The following SGCZ variants were observed in gnomAD, a reference collection of about 807,000 sequenced individuals.
SGCZ encodes the protein zeta-sarcoglycan.
A neutral mutation model predicts 41.3 loss-of-function variants in SGCZ; 40 were observed. The ratio of observed to expected loss-of-function variants is 0.97; its 90% CI spans 0.75 to 1.26. The LOEUF is 1.26. SGCZ is among the 50% of genes most tolerant of loss of function. The pLI is 0.00. For missense variants in SGCZ, 552 were observed against 369.8 expected, an observed-to-expected ratio of 1.49 and a Z score of -4.04; for synonymous variants, 206 against 137.5, an observed-to-expected ratio of 1.50 and a Z score of -3.49.
chr8:15,097,926 A>C (rs1483050727), intron 1 of SGCZ, among the ~76,000 whole-genome samples: 1 of 143,234 alleles, frequency 7.0e-6, no homozygotes, highest in South Asian at 2.2e-4. Context: ...GTATATATAT[A>C]TATATACATA....
chr8:14,946,162 G>A (rs1181232887), intron 1 of SGCZ, among the ~76,000 whole-genome samples: 1 of 149,130 alleles, frequency 6.7e-6, no homozygotes, highest in Admixed American at 6.7e-5. Flanking sequence ...TCAAGAGCAA[G>A]CAGAGGAAAG....
chr8:14,946,721 G>T (rs1311432152), intron 1 of SGCZ, among the ~76,000 whole-genome samples: 13 of 148,938 alleles, frequency 8.7e-5, no homozygotes, highest in Non-Finnish European at 1.6e-4. Flanking sequence ...TGTTGCCCAG[G>T]CTGGAGTGCA....
intron 1 of SGCZ, among the ~76,000 whole-genome samples, chr8:15,204,860 G>A (rs963895938): frequency 6.6e-6 from 1 of 152,136 alleles, no homozygotes; most frequent in Non-Finnish European, 1.5e-5. Flanking sequence ...TCTGTAGACA[G>A]GATTATATAC....
chr8:14,617,745 G>T (rs952388442), intron 1 of SGCZ, among the ~76,000 whole-genome samples: 4 of 152,046 alleles, frequency 2.6e-5, no homozygotes, highest in African/African-American at 9.7e-5. Context: ...CAATAGACAT[G>T]GAAATAAAGT....
At chr8:14,890,389 G>T (rs1219191824) in intron 1 of SGCZ, among the ~76,000 whole-genome samples, 3 of 152,198 alleles carry the variant, frequency 2.0e-5, no homozygotes, top group Non-Finnish European at 4.4e-5. Context: ...CCTTATTTTT[G>T]ATATAGAGAC....
Position 14,245,528 on chromosome 8 carries a change from G to C in SGCZ, c.337-7849C>G, listed in dbSNP as rs368750624. ...CCTAGGCATTACCATTCAGGACATA[G>C]ACATTGGCAAGGACTTCATGTCTAA... is the stretch of plus-strand genomic sequence containing the variant. On this transcript the variant is annotated intron_variant, in intron 3 of 7. Transcript: ENST00000382080. Among the ~76,000 whole-genome samples, 13 of 152,274 alleles carry C rather than the reference G, an allele frequency of 8.5e-5. No homozygotes were observed. The South Asian group carries it at 2.5e-3, about 29-fold the overall frequency.
chr8:14,583,875 T>C (rs578125597), intron 1 of SGCZ, among the ~76,000 whole-genome samples: 4 of 152,240 alleles, frequency 2.6e-5, no homozygotes, highest in African/African-American at 9.6e-5. Flanking sequence ...ATTTAGGTCT[T>C]TCTTATCTCA....
intron 3 of SGCZ, among the ~76,000 whole-genome samples, chr8:14,265,402 T>G (rs927196593): frequency 2.6e-5 from 4 of 152,194 alleles, no homozygotes; most frequent in African/African-American, 9.7e-5. Context: ...TCTTGATCAT[T>G]GAAAATGTCA....
In SGCZ at chr8:14,567,125, T is replaced by C. The variant is rs1804393835; in HGVS notation, c.40-12199A>G. The stretch of plus-strand genomic sequence containing the variant: ...GCCCGCCATGCCTGAGCCTCCCTCT[T>C]CCCCATGGGCTCTGGTGGCGTCGGA... On this transcript the variant is annotated intron_variant, in intron 1 of 7. Coordinates refer to ENST00000382080, the MANE Select transcript of SGCZ (RefSeq NM_139167.4). 1.3e-5 allele frequency among the ~76,000 whole-genome samples: 2 copies of C among 152,158 alleles called. 1 individual carries two copies. The highest frequency in any genetic ancestry group is 4.1e-4 in the South Asian group (2 of 4,830).
chr8:15,007,997 C>T (rs12680588), intron 1 of SGCZ, among the ~76,000 whole-genome samples: 85,334 of 151,928 alleles, frequency 0.56, 24,541 homozygotes, highest in Middle Eastern at 0.68. Flanking sequence ...TCTCAAGTTA[C>T]AGTAAGTCAA....
intron 2 of SGCZ, among the ~76,000 whole-genome samples, chr8:14,419,489 C>G (rs1331636376): frequency 6.6e-6 from 1 of 151,832 alleles, no homozygotes; most frequent in Non-Finnish European, 1.5e-5. Context: ...TCTCATTATA[C>G]TTTTGCTATG....
At chr8:15,177,809 T>A (rs75819300) in intron 1 of SGCZ, among the ~76,000 whole-genome samples, 2 of 152,134 alleles carry the variant, frequency 1.3e-5, no homozygotes, top group Non-Finnish European at 1.5e-5. Context: ...CCTGAACCAG[T>A]ATACGTGGAC....
intron 1 of SGCZ, among the ~76,000 whole-genome samples, chr8:15,118,314 C>T (rs1807345903): frequency 6.6e-6 from 1 of 152,048 alleles, no homozygotes; most frequent in Admixed American, 6.5e-5. Context: ...TTTGAAAAAT[C>T]CTAAAAAGTC....
chr8:14,924,922 A>G (rs1189763880), intron 1 of SGCZ, among the ~76,000 whole-genome samples: 1 of 139,872 alleles, frequency 7.1e-6, no homozygotes, highest in Non-Finnish European at 1.5e-5. Context: ...CAATGTCGCC[A>G]TCTCAGCTCA....
intron 3 of SGCZ, among the ~76,000 whole-genome samples, chr8:14,238,968 T>C (rs888156375): frequency 4.0e-5 from 6 of 151,834 alleles, no homozygotes; most frequent in Non-Finnish European, 8.8e-5. Flanking sequence ...GAGATATATA[T>C]GTATATATAT....
At chr8:14,955,637 T>G (rs73519006) in intron 1 of SGCZ, among the ~76,000 whole-genome samples, 17,702 of 152,248 alleles carry the variant, frequency 0.12, 1,230 homozygotes, top group African/African-American at 0.18. Context: ...CTTTCCTAGT[T>G]ACTAAAAAGG....
chr8:14,668,775 T>G (rs866669537), intron 1 of SGCZ, among the ~76,000 whole-genome samples: 1 of 152,188 alleles, frequency 6.6e-6, no homozygotes, highest in Non-Finnish European at 1.5e-5. Flanking sequence ...TTATTACTAT[T>G]GCATTATGTC....
chr8:14,094,294 C>A lies in SGCZ; in HGVS notation c.745-3657G>T, dbSNP rs114839840. On this transcript the variant is annotated intron_variant, in intron 7 of 7. Transcript: ENST00000382080. ...GTCCTAATGCTATCCCTCCCCTAGCCCCCCCATGCCAGAGAGGACCCAGAT... is the reference window on the plus strand; with the variant it reads ...GTCCTAATGCTATCCCTCCCCTAGCACCCCCATGCCAGAGAGGACCCAGAT... Among the ~76,000 whole-genome samples the A allele has an allele frequency of 9.2e-3, 1,397 of 152,054 alleles. 20 individuals carry two copies. Among genetic ancestry groups the A allele is most frequent in the African/African-American group, 0.032 (1,314 of 41,472 alleles).
At chr8:14,449,307 A>G (rs1800523397) in intron 2 of SGCZ, among the ~76,000 whole-genome samples, 2 of 152,216 alleles carry the variant, frequency 1.3e-5, no homozygotes, top group Non-Finnish European at 2.9e-5. Flanking sequence ...CCACTCCAGT[A>G]CTATTTACTT....
Sources: gnomAD v4.1 joint callset for allele counts (sites outside exome capture counted in the v4.1 genomes callset) on GRCh38, gnomAD v4.1.1 for gene constraint, MANE v1.5 for transcripts, NCBI Gene and HGNC (gene_info 2026-07-23, HGNC 2026-07-21) for gene names.